TESK1: variants seen among roughly 807,000 people sequenced by gnomAD.
TESK1 encodes testis associated actin remodelling kinase 1.
A neutral mutation model predicts 59.9 loss-of-function variants in TESK1; 18 were observed. That is an observed-to-expected ratio of 0.30 (90% confidence interval 0.21 to 0.45). The LOEUF (loss-of-function observed/expected upper bound fraction) is 0.45, where lower values mean the gene tolerates loss of function less well. TESK1 is among the 20% of genes least tolerant of loss of function. TESK1 has a pLI of 1.00. For missense variants in TESK1, 748 were observed against 840.9 expected, an observed-to-expected ratio of 0.89 and a Z score of 1.37; for synonymous variants, 341 against 357.4, an observed-to-expected ratio of 0.95 and a Z score of 0.52.
chr9:35,607,978 A>G lies in TESK1; in HGVS notation c.762A>G (p.Val254=). The G allele has an allele frequency of 6.2e-7, 1 of 1,614,184 alleles. No individual in the cohort carries two copies. Among genetic ancestry groups the G allele is most frequent in the Non-Finnish European group, 8.5e-7 (1 of 1,180,016 alleles). ...GIVLCELIAR[V]PADPDYLPRT... is the part of the protein sequence containing the mutation. ...TCCTCTGTGAGCTCATCGCCCGAGT[A>G]CCTGCAGACCCTGACTACCTACCAC... The change falls in exon 7 of 10, where the codon GTA becomes GTG. Residue 254 remains valine (V), a synonymous_variant. Coordinates refer to ENST00000336395, the MANE Select transcript of TESK1 (RefSeq NM_006285.3). This position sits in a 1 kb window ranked among gnomAD's most constrained non-coding sequence, Gnocchi z 4.5.
rs771064302 is a variant in TESK1 at position 35,605,793 on chromosome 9, C to A, written c.174C>A (p.His58Gln). Residue 58 changes from histidine (H) to glutamine (Q), a missense_variant, in exon 1 of 10, where the codon CAC (histidine) becomes CAA (glutamine). Physicochemically the swap from His to Gln is conservative, Grantham distance 24. Around this residue, in one of 3 missense-constraint regions of TESK1, gnomAD observed 133 missense variants for 117.4 expected, o/e 1.13. Coordinates refer to ENST00000336395, the MANE Select transcript of TESK1 (RefSeq NM_006285.3). ...VSSLARVDDF[H>Q]CAEKIGAGFF... ...GCCTGGCGCGTGTGGACGATTTTCACTGCGCGGAGAAGATCGGGGCCGGCT... is the reference window on the plus strand; with the variant it reads ...GCCTGGCGCGTGTGGACGATTTTCAATGCGCGGAGAAGATCGGGGCCGGCT... The A allele has an allele frequency of 2.5e-6, 4 of 1,611,838 alleles. No individual in the cohort carries two copies. In the South Asian group the frequency reaches 3.3e-5, roughly 13 times the overall value.
chr9:35,609,848 CTT>C lies in TESK1; in HGVS notation c.*107_*108del. 1 of 1,331,952 alleles carries C rather than the reference CTT, an allele frequency of 7.5e-7. No individual in the cohort carries two copies. Among genetic ancestry groups the C allele is most frequent in the Admixed American group, 2.8e-5 (1 of 35,478 alleles). 82.5% of individuals were successfully genotyped at this position (1,331,952 alleles called of 1,614,324 possible). A position where few individuals can be genotyped will look rare whatever the true frequency, so the allele number is the denominator to read the frequency against. ...CCAGTTCCAGATGGGCTGACCGGCT[CTT>C]CTCCCCGTGTAGGGGAGCCCCAGCA... On this transcript the variant is annotated 3_prime_UTR_variant, in exon 10 of 10. Coordinates refer to ENST00000336395, the MANE Select transcript of TESK1 (RefSeq NM_006285.3). The surrounding 1 kb of genome is among the most constrained non-coding windows in gnomAD (Gnocchi z 6.7).
In TESK1 at chr9:35,606,990, T is replaced by C; in HGVS notation, c.537+7T>C. Reference sequence around the variant, plus strand: ...CCGCGACCTCACATCCAAGGTAGGCTAGCAGGGTGGGTGGAGACATGAAAG... The same window carrying C: ...CCGCGACCTCACATCCAAGGTAGGCCAGCAGGGTGGGTGGAGACATGAAAG... On this transcript the variant is annotated splice_region_variant and intron_variant, in intron 4 of 9. Transcript: ENST00000336395. 6.3e-7 allele frequency: 1 copy of C among 1,582,766 alleles called. No homozygotes were observed. Among genetic ancestry groups the C allele is most frequent in the Non-Finnish European group, 8.6e-7 (1 of 1,162,342 alleles).
Position 35,607,686 on chromosome 9 carries a change from C to T in TESK1, c.711+14C>T. ...TATGATGAGAAGGTGAGACATCAAC[C>T]CTTCAGATCCCCAAGGCCTTCCGAG... On this transcript the variant is annotated intron_variant, in intron 6 of 9. Transcript: ENST00000336395. The surrounding 1 kb of genome is among the most constrained non-coding windows in gnomAD (Gnocchi z 4.5). 1.9e-6 allele frequency: 3 copies of T among 1,605,460 alleles called. No individual in the cohort carries two copies. The highest frequency in any genetic ancestry group is 2.2e-5 in the South Asian group (2 of 90,876).
chr9:35,607,148 T>G lies in TESK1; in HGVS notation c.537+165T>G. 8.1e-7 allele frequency: 1 copy of G among 1,232,120 alleles called. No homozygotes were observed. Among genetic ancestry groups the G allele is most frequent in the South Asian group, 1.4e-5 (1 of 70,014 alleles). 76.3% of individuals were successfully genotyped at this position (1,232,120 alleles called of 1,614,324 possible). A position where few individuals can be genotyped will look rare whatever the true frequency, so the allele number is the denominator to read the frequency against. On this transcript the variant is annotated intron_variant, in intron 4 of 9. Transcript: ENST00000336395. The surrounding 1 kb of genome is among the most constrained non-coding windows in gnomAD (Gnocchi z 4.5). The stretch of plus-strand genomic sequence containing the variant: ...GGGTGAGGGGAGTGCTCGGAGGGAC[T>G]GAGTAGCACCCTGTGTTTGGAGTGT...
chr9:35,605,607 T>TG lies in TESK1; in HGVS notation c.-8dup. 2.9e-6 allele frequency: 3 copies of TG among 1,036,568 alleles called. No individual in the cohort carries two copies. The highest frequency in any genetic ancestry group is 3.6e-6 in the Non-Finnish European group (3 of 826,452). 64.2% of individuals were successfully genotyped at this position (1,036,568 alleles called of 1,614,324 possible). On this transcript the variant is annotated 5_prime_UTR_variant, in exon 1 of 10. Coordinates refer to ENST00000336395, the MANE Select transcript of TESK1 (RefSeq NM_006285.3). ...CCTGCCATGTGAGGCAGGCCCGGGC[T>TG]GGGGGCCCGGCCATGGCCGGGGAAC...
In TESK1 at chr9:35,606,097, C is replaced by T. The variant is rs903168215; in HGVS notation, c.333C>T (p.Asn111=). 5.0e-6 allele frequency: 8 copies of T among 1,614,042 alleles called. No individual in the cohort carries two copies. Among genetic ancestry groups the T allele is most frequent in the African/African-American group, 1.3e-5 (1 of 74,918 alleles). Residue 111 remains asparagine, a synonymous_variant, in exon 2 of 10, where the codon AAC becomes AAT. Transcript: ENST00000336395. ...TGATGAACCGGCTCAGGCACCCCAA[C>T]ATCCTAAGGTGAGCGGCCCCAGTCT... The part of the protein sequence containing the change: ...VQLMNRLRHP[N]ILRFMGVCVH...
intron 1 of TESK1, 67 bp from the exon 2 acceptor site, chr9:35,605,917 G>T: frequency 1.9e-6 from 3 of 1,607,624 alleles, no homozygotes; most frequent in Non-Finnish European, 2.5e-6. Context: ...GGAGTGCGGG[G>T]AAGAGGGTCC....
Position 35,607,594 on chromosome 9 carries a change from G to A in TESK1, c.633G>A (p.Arg211=), listed in dbSNP as rs1322165904. The A allele has an allele frequency of 6.2e-7, 1 of 1,613,772 alleles. No individual in the cohort carries two copies. The highest frequency in any genetic ancestry group is 8.5e-7 in the Non-Finnish European group (1 of 1,179,862). ...EKIPVYREGA[R]KEPLAVVGSP... is the part of the protein sequence containing the mutation. ...CCTGCCCCTGCAGGGAGGGGGCAAG[G>A]AAGGAGCCATTGGCCGTGGTGGGCT... is the stretch of plus-strand genomic sequence containing the variant. The change falls in exon 6 of 10, where the codon AGG becomes AGA. Residue 211 remains arginine (R), a synonymous_variant. Transcript: ENST00000336395. The surrounding 1 kb of genome is among the most constrained non-coding windows in gnomAD (Gnocchi z 4.5).
intron 3 of TESK1, 116 bp from the exon 4 acceptor site, chr9:35,606,721 C>A: frequency 2.9e-6 from 3 of 1,020,232 alleles, no homozygotes; most frequent in East Asian, 2.5e-5. Context: ...TCCTACAGCA[C>A]AGTCTTACCC....
At chr9:35,608,132 T>G (rs765814164) in intron 7 of TESK1, 28 bp from the exon 8 acceptor site, 44 of 1,613,240 alleles carry the variant, frequency 2.7e-5, no homozygotes, top group Non-Finnish European at 2.7e-5. Context: ...AAAAGCTGAC[T>G]TGGAGGTCCC....
chr9:35,605,917 G>A, intron 1 of TESK1, 67 bp from the exon 2 acceptor site: 1 of 1,607,624 alleles, frequency 6.2e-7, no homozygotes, highest in East Asian at 2.2e-5. Context: ...GGAGTGCGGG[G>A]AAGAGGGTCC....
At chr9:35,608,685 G>A (rs1822899552) in intron 9 of TESK1, among the ~76,000 whole-genome samples, 176 bp downstream of exon 9, 1 of 152,174 alleles carries the variant, frequency 6.6e-6, no homozygotes, top group African/African-American at 2.4e-5. Context: ...AAAGCTTGAG[G>A]GAGAGGAGGG....
chr9:35,607,296 T>C lies in TESK1; in HGVS notation c.538-31T>C, dbSNP rs2131745637. On this transcript the variant is annotated intron_variant, in intron 4 of 9. Transcript: ENST00000336395. The surrounding 1 kb of genome is among the most constrained non-coding windows in gnomAD (Gnocchi z 4.5). The stretch of plus-strand genomic sequence containing the variant: ...AGGCCAGACAGCAGAAGGTGATGAG[T>C]GCGTGGGGATACTATGTGTGTGTGT... 6.2e-7 allele frequency: 1 copy of C among 1,613,082 alleles called. No individual in the cohort carries two copies. Among genetic ancestry groups the C allele is most frequent in the East Asian group, 2.2e-5 (1 of 44,860 alleles).
rs766463355 is a variant in TESK1, at chr9:35,606,225, A to G, written c.342-12A>G. 4 of 1,614,032 alleles carry G rather than the reference A, an allele frequency of 2.5e-6. No individual in the cohort carries two copies. Among genetic ancestry groups the G allele is most frequent in the African/African-American group, 2.7e-5 (2 of 74,916 alleles). Reference sequence around the variant, plus strand: ...AATAGCCTATCCTTCTATCTTCCCCATCCTCTTGCAGGTTCATGGGAGTCT... The same window carrying G: ...AATAGCCTATCCTTCTATCTTCCCCGTCCTCTTGCAGGTTCATGGGAGTCT... On this transcript the variant is annotated splice_polypyrimidine_tract_variant and intron_variant, in intron 2 of 9. Transcript: ENST00000336395.
chr9:35,606,121 C>T lies in TESK1; in HGVS notation c.341+16C>T, dbSNP rs199718992. ...ACATCCTAAGGTGAGCGGCCCCAGT[C>T]TCTGGGCAGCTTGCTGGGCGGGAGA... On this transcript the variant is annotated intron_variant, in intron 2 of 9. Transcript: ENST00000336395. 469 of 1,614,106 alleles carry T rather than the reference C, an allele frequency of 2.9e-4. No individual in the cohort carries two copies. The African/African-American group carries it at 5.6e-3, about 19-fold the overall frequency.
chr9:35,607,843 C>G lies in TESK1; in HGVS notation c.712-85C>G. ...ATGAAAACTGTCAAGATCCCCCACC[C>G]TCAACCAAATTCTGCTATATTCTGT... On this transcript the variant is annotated intron_variant, in intron 6 of 9. Coordinates refer to ENST00000336395, the MANE Select transcript of TESK1 (RefSeq NM_006285.3). This position sits in a 1 kb window ranked among gnomAD's most constrained non-coding sequence, Gnocchi z 4.5. The G allele has an allele frequency of 6.6e-7, 1 of 1,507,750 alleles. No homozygotes were observed. The highest frequency in any genetic ancestry group is 9.1e-7 in the Non-Finnish European group (1 of 1,095,594). The allele number at this position is 1,507,750 out of a possible 1,614,324, so 93.4% of individuals were successfully genotyped here.
Position 35,605,851 on chromosome 9 carries a change from G to A in TESK1, c.219+13G>A. The A allele has an allele frequency of 6.2e-7, 1 of 1,609,598 alleles. No individual in the cohort carries two copies. The highest frequency in any genetic ancestry group is 8.5e-7 in the Non-Finnish European group (1 of 1,178,302). ...TGAGGTCTACAAGGTAGGACCGGCCGAGAGGGCAGAGGGGCGGGACCGAGC... is the reference window on the plus strand; with the variant it reads ...TGAGGTCTACAAGGTAGGACCGGCCAAGAGGGCAGAGGGGCGGGACCGAGC... On this transcript the variant is annotated intron_variant, in intron 1 of 9. Transcript: ENST00000336395.
At position 35,605,729 on chromosome 9, in the gene TESK1, G is replaced by A. The variant is rs1162396997; in HGVS notation, c.110G>A (p.Arg37His). The change falls in exon 1 of 10, where the codon CGC (arginine) becomes CAC (histidine). Residue 37 changes from arginine to histidine, a missense_variant. Transcript: ENST00000336395. ...ACGGGCGGAGGCCCGGGCCGGGGCCGCCCCTCCTCCTACCGGGCTCTCCGC... is the reference window on the plus strand; with the variant it reads ...ACGGGCGGAGGCCCGGGCCGGGGCCACCCCTCCTCCTACCGGGCTCTCCGC... ...GGTGGGPGRG[R>H]PSSYRALRSA... 1.1e-5 allele frequency: 17 copies of A among 1,578,080 alleles called. No homozygotes were observed. Among genetic ancestry groups the A allele is most frequent in the Non-Finnish European group, 1.4e-5 (16 of 1,162,304 alleles).
Sources: gnomAD v4.1 joint callset for allele counts (sites outside exome capture counted in the v4.1 genomes callset) on GRCh38, gnomAD v4.1.1 for gene constraint, gnomAD v4.1.1 regional missense constraint, Gnocchi (gnomAD v3.1) non-coding constraint, MANE v1.5 for transcripts, NCBI Gene and HGNC (gene_info 2026-07-23, HGNC 2026-07-21) for gene names.